ZRANB3: variants seen among roughly 807,000 people sequenced by gnomAD.
The protein encoded by ZRANB3 is zinc finger RANBP2-type containing 3.
A neutral mutation model predicts 133.8 loss-of-function variants in ZRANB3; 125 were observed. The ratio of observed to expected loss-of-function variants is 0.93; its 90% CI spans 0.81 to 1.08. ZRANB3 has a LOEUF of 1.08. ZRANB3 is among the 50% of genes least tolerant of loss of function. The probability of loss-of-function intolerance (pLI) is 0.00; values close to 1 mark genes in which losing one functional copy is unlikely to be tolerated. For synonymous variants in ZRANB3, 387 were observed against 432.7 expected (o/e 0.89, Z 1.31); for missense variants, 1,229 against 1,275.5 (o/e 0.96, Z 0.56).
chr2:135,219,188 G>C lies in ZRANB3; in HGVS notation c.2251-10C>G. On this transcript the variant is annotated splice_polypyrimidine_tract_variant and intron_variant, in intron 15 of 20. Transcript: ENST00000264159. ...TCATCTGTTTTCCATCCTGATGATA[G>C]ATTAGGAAGACACTAATAATCCATT... The C allele has an allele frequency of 6.8e-7, 1 of 1,476,004 alleles. No homozygotes were observed. Among genetic ancestry groups the C allele is most frequent in the African/African-American group, 1.4e-5 (1 of 69,574 alleles). The allele number at this position is 1,476,004 out of a possible 1,614,324, so 91.4% of individuals were successfully genotyped here. A position where few individuals can be genotyped will look rare whatever the true frequency, so the allele number is the denominator to read the frequency against.
chr2:135,292,064 A>G (rs1273533358), intron 8 of ZRANB3, among the ~76,000 whole-genome samples: 1 of 152,194 alleles, frequency 6.6e-6, no homozygotes, highest in Non-Finnish European at 1.5e-5. Context: ...GTACGTGTGC[A>G]TGTGTCTTTA....
At chr2:135,303,563 T>C (rs962841267) in intron 8 of ZRANB3, among the ~76,000 whole-genome samples, 2 of 152,206 alleles carry the variant, frequency 1.3e-5, no homozygotes, top group Non-Finnish European at 2.9e-5. Context: ...CTTTTTCTGA[T>C]TCATTAATTA....
chr2:135,436,535 A>G (rs934072183), intron 2 of ZRANB3, among the ~76,000 whole-genome samples: 1 of 152,208 alleles, frequency 6.6e-6, no homozygotes, highest in Non-Finnish European at 1.5e-5. Context: ...AGAATAAAAT[A>G]CCTAGGAATC....
intron 2 of ZRANB3, among the ~76,000 whole-genome samples, chr2:135,440,126 T>C (rs1689715742): frequency 6.6e-6 from 1 of 152,226 alleles, no homozygotes. Context: ...AGAAGTTTCT[T>C]ATACTTCAAA....
chr2:135,403,104 G>C (rs1298234127), intron 2 of ZRANB3, among the ~76,000 whole-genome samples: 2 of 152,108 alleles, frequency 1.3e-5, no homozygotes, highest in Admixed American at 6.5e-5. Flanking sequence ...CGGAAAGTGG[G>C]TGCAGGACAG....
rs560481076 is a variant in ZRANB3, at chr2:135,391,919, C to T, written c.162-1099G>A. 7.7e-4 allele frequency among the ~76,000 whole-genome samples: 117 copies of T among 152,172 alleles called. 1 individual carries two copies. The highest frequency in any genetic ancestry group is 1.7e-3 in the Admixed American group (26 of 15,260). On this transcript the variant is annotated intron_variant, in intron 2 of 20. Coordinates refer to ENST00000264159, the MANE Select transcript of ZRANB3 (RefSeq NM_032143.4). ...CTATTACTTTGCTAAACTTTCTTTT[C>T]TCAGTTCTTTCTTATTAACCTGTAT...
chr2:135,491,501 T>C (rs1446688225), intron 2 of ZRANB3, among the ~76,000 whole-genome samples: 2 of 151,644 alleles, frequency 1.3e-5, no homozygotes, highest in Admixed American at 6.6e-5. Context: ...TGTGCCACTA[T>C]GCCTGGCTAA....
At chr2:135,202,735 G>A in intron 20 of ZRANB3, 97 bp downstream of exon 20, 1 of 1,406,602 alleles carries the variant, frequency 7.1e-7, no homozygotes, top group South Asian at 1.5e-5. Flanking sequence ...TCTCAGACCA[G>A]AGATAAATTC....
chr2:135,502,600 T>G (rs1692998151), intron 2 of ZRANB3, among the ~76,000 whole-genome samples: 1 of 152,218 alleles, frequency 6.6e-6, no homozygotes, highest in Non-Finnish European at 1.5e-5. Context: ...CAACCAAGTC[T>G]AAACCTAAAG....
intron 2 of ZRANB3, among the ~76,000 whole-genome samples, chr2:135,416,319 C>G (rs1035787357): frequency 1.8e-4 from 28 of 152,126 alleles, no homozygotes; most frequent in Non-Finnish European, 3.7e-4. Context: ...CATCAACAGA[C>G]AAACACAGAG....
intron 3 of ZRANB3, among the ~76,000 whole-genome samples, chr2:135,370,740 G>C (rs1686140475): frequency 6.6e-6 from 1 of 152,130 alleles, no homozygotes; most frequent in Admixed American, 6.5e-5. Context: ...TACAGATGTG[G>C]GAAGAGGCCC....
intron 2 of ZRANB3, among the ~76,000 whole-genome samples, chr2:135,411,007 T>A (rs1041349759): frequency 1.3e-5 from 2 of 152,040 alleles, no homozygotes; most frequent in African/African-American, 4.8e-5. Context: ...GGGAGGCCAA[T>A]GTGGGCAGAC....
intron 3 of ZRANB3, among the ~76,000 whole-genome samples, chr2:135,361,187 T>C (rs1211833342): frequency 6.6e-6 from 1 of 152,222 alleles, no homozygotes; most frequent in Non-Finnish European, 1.5e-5. Context: ...ACTCAACATG[T>C]GGTTCAAAGC....
In ZRANB3 at chr2:135,523,515, T is replaced by C. The variant is rs147606422; in HGVS notation, c.-8+7612A>G. On this transcript the variant is annotated intron_variant, in intron 1 of 20. Transcript: ENST00000264159. ...GGTTTTATTTCAGGACTCTAGCATC[T>C]AGCATCAGCCTGATTAACGGAAACA... Among the ~76,000 whole-genome samples the C allele has an allele frequency of 1.1e-4, 16 of 152,366 alleles. No homozygotes were observed. The East Asian group carries it at 2.1e-3, about 20-fold the overall frequency.
intron 2 of ZRANB3, among the ~76,000 whole-genome samples, chr2:135,417,782 T>C (rs983914450): frequency 6.6e-6 from 1 of 152,244 alleles, no homozygotes; most frequent in East Asian, 1.9e-4. Flanking sequence ...TATGCAGCCA[T>C]AAAAAGTGAT....
At chr2:135,454,271 G>A (rs1690397980) in intron 2 of ZRANB3, among the ~76,000 whole-genome samples, 1 of 152,138 alleles carries the variant, frequency 6.6e-6, no homozygotes, top group African/African-American at 2.4e-5. Context: ...GGAATTCCAG[G>A]AGATACAATT....
intron 15 of ZRANB3, among the ~76,000 whole-genome samples, chr2:135,222,359 A>T (rs1694589025): frequency 6.6e-6 from 1 of 151,244 alleles, no homozygotes; most frequent in Admixed American, 6.6e-5. Flanking sequence ...CCGAGATCGC[A>T]CCACTGCACT....
intron 11 of ZRANB3, among the ~76,000 whole-genome samples, chr2:135,267,520 T>C (rs1435166197): frequency 6.6e-6 from 1 of 152,064 alleles, no homozygotes; most frequent in African/African-American, 2.4e-5. Context: ...CTCTCAATAC[T>C]GCCACAGTGG....
At chr2:135,209,077 G>A (rs1693998024) in intron 17 of ZRANB3, 99 bp from the exon 18 acceptor site, 1 of 1,142,008 alleles carries the variant, frequency 8.8e-7, no homozygotes, top group Non-Finnish European at 1.3e-6. Flanking sequence ...AGAAGAAAAA[G>A]CAAGCACAAT....
Sources: gnomAD v4.1 joint callset for allele counts (sites outside exome capture counted in the v4.1 genomes callset) on GRCh38, gnomAD v4.1.1 for gene constraint, MANE v1.5 for transcripts, NCBI Gene and HGNC (gene_info 2026-07-23, HGNC 2026-07-21) for gene names.